Variants in STK10 observed in about 807,000 individuals in gnomAD.
The protein encoded by STK10 is serine/threonine kinase 10.
In STK10, 78 loss-of-function variants were observed where a neutral mutation model predicts 113.8. The observed-to-expected ratio is 0.69, with a 90% CI of 0.57 to 0.83. The LOEUF (loss-of-function observed/expected upper bound fraction) is 0.83. Among genes scored for constraint, STK10 ranks in the 40% least tolerant of loss-of-function variants. The pLI, the probability that STK10 is intolerant of heterozygous loss-of-function variation, is 0.00. For missense variants in STK10, 1,109 were observed against 1,280.1 expected, an observed-to-expected ratio of 0.87 and a Z score of 2.04; for synonymous variants, 465 against 494.7, an observed-to-expected ratio of 0.94 and a Z score of 0.80.
intron 7 of STK10, among the ~76,000 whole-genome samples, chr5:172,100,901 T>C (rs1768976319): frequency 6.6e-6 from 1 of 152,118 alleles, no homozygotes; most frequent in Admixed American, 6.6e-5. Flanking sequence ...TCTCTTTCAT[T>C]CATTCGGAGA....
intron 18 of STK10, chr5:172,045,564 G>A (rs892743729): frequency 9.8e-6 from 4 of 407,260 alleles, no homozygotes; most frequent in African/African-American, 6.2e-5. Flanking sequence ...ATCTGTGGTG[G>A]GACCAAGGCC....
At chr5:172,060,674 A>G (rs1405812248) in intron 14 of STK10, among the ~76,000 whole-genome samples, 1 of 152,220 alleles carries the variant, frequency 6.6e-6, no homozygotes, top group Non-Finnish European at 1.5e-5. Context: ...AGCCTGAATG[A>G]ACTAAGATAC....
chr5:172,148,487 C>T (rs1770134402), intron 2 of STK10, among the ~76,000 whole-genome samples: 1 of 152,300 alleles, frequency 6.6e-6, no homozygotes, highest in South Asian at 2.1e-4. Flanking sequence ...ACAGCCCAGG[C>T]CGGCTATTCC....
Position 172,096,444 on chromosome 5 carries a change from G to T in STK10, c.987C>A (p.Asp329Glu). ...GCCTTACGGAGGCGGCATCCACGGC[G>T]TCCTCCTCTTCCCCCTCATCCCGGC... ...EDGRDEGEEE[D>E]AVDAASTLEN... Residue 329 changes from aspartate (D) to glutamate (E), a missense_variant, in exon 8 of 19, where the codon GAC (aspartate) becomes GAA (glutamate). By Grantham distance (45) the Asp-to-Glu change is conservative (BLOSUM62 2). Transcript: ENST00000176763. 6.2e-7 allele frequency: 1 copy of T among 1,612,882 alleles called. No individual in the cohort carries two copies. The highest frequency in any genetic ancestry group is 8.5e-7 in the Non-Finnish European group (1 of 1,179,944).
intron 3 of STK10, among the ~76,000 whole-genome samples, chr5:172,118,368 G>C (rs1487138946): frequency 6.6e-6 from 1 of 152,174 alleles, no homozygotes; most frequent in Non-Finnish European, 1.5e-5. Context: ...GAAGGCAGAT[G>C]GGACATGGAA....
chr5:172,049,623 G>A (rs1767583633), intron 18 of STK10, among the ~76,000 whole-genome samples: 1 of 152,100 alleles, frequency 6.6e-6, no homozygotes, highest in South Asian at 2.1e-4. Flanking sequence ...GGGGGTGGGG[G>A]AGGGGCAGCA....
intron 12 of STK10, among the ~76,000 whole-genome samples, chr5:172,070,815 T>C (rs1295034558): frequency 2.0e-5 from 3 of 152,112 alleles, no homozygotes; most frequent in Non-Finnish European, 4.4e-5. Context: ...TCACTATAGA[T>C]GCTACAGGCA....
At chr5:172,166,908 T>C (rs1770581661) in intron 1 of STK10, among the ~76,000 whole-genome samples, 1 of 151,898 alleles carries the variant, frequency 6.6e-6, no homozygotes, top group Admixed American at 6.6e-5. Context: ...GTGCCTGTAA[T>C]CCCAGCACTT....
chr5:172,054,329 G>A (rs1284171675), intron 17 of STK10, among the ~76,000 whole-genome samples: 1 of 152,214 alleles, frequency 6.6e-6, no homozygotes. Flanking sequence ...ATCCTGCACA[G>A]CAGGAATGGT....
chr5:172,045,642 T>A (rs1767481897), intron 18 of STK10, among the ~76,000 whole-genome samples: 1 of 152,150 alleles, frequency 6.6e-6, no homozygotes, highest in Admixed American at 6.5e-5. Context: ...TGCGGGAGGT[T>A]CCCTTGGGCA....
intron 12 of STK10, among the ~76,000 whole-genome samples, chr5:172,073,793 C>CAAAAAAAAAAAAAAAAAAAAAAAA (rs60492751): frequency 3.4e-5 from 2 of 58,450 alleles, no homozygotes; most frequent in African/African-American, 5.6e-5. Context: ...CTAAAAATAG[C>CAAAAAAAAAAAAAAAAAAAAAAAA]AAAAAAAAAA....
At chr5:172,088,760 T>G (rs997784739) in intron 10 of STK10, among the ~76,000 whole-genome samples, 1 of 152,098 alleles carries the variant, frequency 6.6e-6, no homozygotes, top group Non-Finnish European at 1.5e-5. Context: ...CCAGTTAGAA[T>G]CTCAGCTTTA....
chr5:172,074,778 G>A (rs1429521858), intron 12 of STK10, among the ~76,000 whole-genome samples: 2 of 152,120 alleles, frequency 1.3e-5, no homozygotes, highest in African/African-American at 2.4e-5. Context: ...TGGCACTTTC[G>A]GAAACCGAAG....
intron 4 of STK10, chr5:172,114,468 T>TAC (rs1769325492): frequency 2.5e-5 from 1 of 40,234 alleles, no homozygotes; most frequent in Non-Finnish European, 4.8e-5. Context: ...TATATATATA[T>TAC]ATATATTTTT....
rs1770966881 is a variant in STK10 at position 172,187,227 on chromosome 5, G to T, written c.156+660C>A. On this transcript the variant is annotated intron_variant, in intron 1 of 18. Transcript: ENST00000176763. This position sits in a 1 kb window ranked among gnomAD's most constrained non-coding sequence, Gnocchi z 4.6. Reference sequence around the variant, plus strand: ...TCTAGGGGAGAGGTGACTGCAGGCTGGGAGACTCCCCAGCTGTGACTCAGA... The same window carrying T: ...TCTAGGGGAGAGGTGACTGCAGGCTTGGAGACTCCCCAGCTGTGACTCAGA... Among the ~76,000 whole-genome samples the T allele has an allele frequency of 1.3e-5, 2 of 152,054 alleles. No homozygotes were observed. The highest frequency in any genetic ancestry group is 2.4e-5 in the African/African-American group (1 of 41,400).
At chr5:172,048,874 C>T (rs1767563129) in intron 18 of STK10, among the ~76,000 whole-genome samples, 1 of 152,064 alleles carries the variant, frequency 6.6e-6, no homozygotes, top group Non-Finnish European at 1.5e-5. Flanking sequence ...CCCACCGTCA[C>T]CACCACTCTC....
intron 12 of STK10, among the ~76,000 whole-genome samples, chr5:172,077,200 C>A (rs1294001428): frequency 1.3e-5 from 2 of 152,182 alleles, no homozygotes; most frequent in East Asian, 3.9e-4. Context: ...TGAACTCGTT[C>A]GAGTTCCTCA....
At chr5:172,059,110 GT>G (rs952217056) in intron 14 of STK10, among the ~76,000 whole-genome samples, 1 of 150,226 alleles carries the variant, frequency 6.7e-6, no homozygotes, top group Admixed American at 6.6e-5. Context: ...GGCGCCTGTA[GT>G]CCCAGCTACT....
At chr5:172,117,223 G>A (rs1769406656) in intron 4 of STK10, among the ~76,000 whole-genome samples, 1 of 152,092 alleles carries the variant, frequency 6.6e-6, no homozygotes. Flanking sequence ...AGGTTGCAGT[G>A]AGCCAAGAAC....
Sources: allele counts gnomAD v4.1 joint callset (sites outside exome capture counted in the v4.1 genomes callset), GRCh38; gene constraint gnomAD v4.1.1; non-coding constraint Gnocchi (gnomAD v3.1); transcripts MANE v1.5; gene names NCBI Gene and HGNC (gene_info 2026-07-23, HGNC 2026-07-21).